The following DNMT1 variants were observed in gnomAD, a reference collection of about 807,000 sequenced individuals.
DNMT1 encodes the protein DNA methyltransferase 1, also known as DNA (cytosine-5)-methyltransferase 1.
In DNMT1, 24 loss-of-function variants were observed where a neutral mutation model predicts 205.3. That is an observed-to-expected ratio of 0.12 (90% confidence interval 0.08 to 0.16). DNMT1 has a LOEUF of 0.16. Ranked by LOEUF, DNMT1 falls within the 10% of genes least tolerant of loss-of-function variation. The pLI, the probability that DNMT1 is intolerant of heterozygous loss-of-function variation, is 1.00. For missense variants in DNMT1, 1,293 were observed against 2,177.7 expected, an observed-to-expected ratio of 0.59 and a Z score of 8.09; for synonymous variants, 817 against 839.8, an observed-to-expected ratio of 0.97 and a Z score of 0.47.
At position 10,135,844 on chromosome 19, in the gene DNMT1, C is replaced by A; in HGVS notation, c.4665G>T (p.Val1555=). ...CCACACGGTGCTGCTCTGGGTGGAG[C>A]ACGCGGCCCTGGGGGAAAGAGGCGC... ...NPEPMGKQGR[V]LHPEQHRVVS... Residue 1555 remains valine, a synonymous_variant, in exon 39 of 41, where the codon GTG becomes GTT. Coordinates refer to ENST00000359526, the MANE Select transcript of DNMT1 (RefSeq NM_001130823.3). 6.4e-7 allele frequency: 1 copy of A among 1,553,758 alleles called. No individual in the cohort carries two copies.
At chr19:10,163,439 A>G in intron 11 of DNMT1, 79 bp from the exon 12 acceptor site, 1 of 1,468,390 alleles carries the variant, frequency 6.8e-7, no homozygotes, top group Non-Finnish European at 9.5e-7. Flanking sequence ...GATAAAATGC[A>G]AACACTGAAG....
Position 10,159,577 on chromosome 19 carries a change from C to A in DNMT1, c.1280+81G>T. On this transcript the variant is annotated intron_variant, in intron 17 of 40. Transcript: ENST00000359526. This position sits in a 1 kb window ranked among gnomAD's most constrained non-coding sequence, Gnocchi z 5.0. ...TTGCAGGTCAGGCACTAAAAAACAT[C>A]ACCAGAATCGTGAGCCCGCAGGCAC... is the stretch of plus-strand genomic sequence containing the variant. 7.1e-7 allele frequency: 1 copy of A among 1,402,186 alleles called. No homozygotes were observed. Among genetic ancestry groups the A allele is most frequent in the South Asian group, 1.2e-5 (1 of 84,982 alleles). The allele number at this position is 1,402,186 out of a possible 1,614,324, so 86.9% of individuals were successfully genotyped here. A position where few individuals can be genotyped will look rare whatever the true frequency, so the allele number is the denominator to read the frequency against.
chr19:10,182,465 GTGTATATATATACATA>G (rs2039079617), intron 1 of DNMT1, among the ~76,000 whole-genome samples: 1 of 121,148 alleles, frequency 8.3e-6, no homozygotes, highest in African/African-American at 3.0e-5. Flanking sequence ...ATATATATGT[GTGTATATATATACATA>G]TATATGTGTA....
rs62621089 is a variant in DNMT1 at position 10,175,613 on chromosome 19, G to A, written c.575C>T (p.Ala192Val). ...AGACTCTTCCTGAGGTTTCCGTTTG[G>A]CAGGGCTGTCACACACAGTGAGGCC... is the stretch of plus-strand genomic sequence containing the variant. ...TITSHFAKGP[A>V]KRKPQEESER... The change falls in exon 7 of 41, where the codon GCC becomes GTC. Residue 192 changes from alanine (A) to valine (V), a missense_variant. By Grantham distance (64) the Ala-to-Val change is moderately conservative. Around this residue, in one of 13 missense-constraint regions of DNMT1, gnomAD observed 394 missense variants for 451.6 expected, o/e 0.87. Transcript: ENST00000359526. 5.6e-4 allele frequency: 903 copies of A among 1,613,884 alleles called. 6 individuals are homozygous for A. The highest frequency in any genetic ancestry group is 2.3e-3 in the South Asian group (208 of 91,082).
chr19:10,151,739 G>C lies in DNMT1; in HGVS notation c.2117+11C>G. On this transcript the variant is annotated intron_variant, in intron 23 of 40. Coordinates refer to ENST00000359526, the MANE Select transcript of DNMT1 (RefSeq NM_001130823.3). The surrounding 1 kb of genome is among the most constrained non-coding windows in gnomAD (Gnocchi z 5.0). ...TCCTCTGCCACAGGAGGAAGACTCG[G>C]CCTGACCTACCTCCGCTCTTGGCAA... 6.2e-7 allele frequency: 1 copy of C among 1,614,084 alleles called. No homozygotes were observed. The highest frequency in any genetic ancestry group is 8.5e-7 in the Non-Finnish European group (1 of 1,180,004).
chr19:10,156,400 A>ACGGG lies in DNMT1; in HGVS notation c.1389_1390insCCCG (p.Ser464ProfsTer4). ...CCGGACTATTCCTTACCTTCAAGAG[A>ACGGG]TGGGTCATCATCATAGATTGGTTTT... On this transcript the variant is annotated frameshift_variant, in exon 18 of 41. Transcript: ENST00000359526. LOFTEE classifies it high-confidence loss of function. This position sits in a 1 kb window ranked among gnomAD's most constrained non-coding sequence, Gnocchi z 4.2. 1 of 1,609,362 alleles carries ACGGG rather than the reference A, an allele frequency of 6.2e-7. No individual in the cohort carries two copies. The highest frequency in any genetic ancestry group is 8.5e-7 in the Non-Finnish European group (1 of 1,176,534).
chr19:10,174,734 AAC>A (rs1452189628), intron 7 of DNMT1, among the ~76,000 whole-genome samples: 20 of 149,042 alleles, frequency 1.3e-4, no homozygotes, highest in Non-Finnish European at 1.5e-5. Context: ...CAACAACAAC[AAC>A]AAAAAAAACA....
intron 1 of DNMT1, among the ~76,000 whole-genome samples, chr19:10,182,406 CAT>C (rs1204321584): frequency 1.4e-4 from 10 of 73,238 alleles, no homozygotes; most frequent in Middle Eastern, 0.016. Context: ...TATATATATA[CAT>C]ATATATGTGT....
intron 39 of DNMT1, 109 bp from the exon 40 acceptor site, chr19:10,134,416 C>A (rs2089436688): frequency 7.0e-6 from 7 of 1,001,668 alleles, no homozygotes; most frequent in South Asian, 5.8e-5. Flanking sequence ...GGGCATTGCA[C>A]CCCTTGGGGA....
Position 10,159,821 on chromosome 19 carries a change from T to C in DNMT1, c.1170+21A>G. 1 of 1,614,116 alleles carries C rather than the reference T, an allele frequency of 6.2e-7. No homozygotes were observed. Among genetic ancestry groups the C allele is most frequent in the Non-Finnish European group, 8.5e-7 (1 of 1,180,000 alleles). ...GGACAAGGGACAGGCAGAGGAAGGC[T>C]GGGAAGAGAGCTGTACGTACCGCGT... On this transcript the variant is annotated intron_variant, in intron 16 of 40. Coordinates refer to ENST00000359526, the MANE Select transcript of DNMT1 (RefSeq NM_001130823.3). This position sits in a 1 kb window ranked among gnomAD's most constrained non-coding sequence, Gnocchi z 5.0.
At chr19:10,177,475 G>A in intron 5 of DNMT1, 108 bp from the exon 6 acceptor site, 1 of 1,094,232 alleles carries the variant, frequency 9.1e-7, no homozygotes, top group Non-Finnish European at 1.3e-6. Context: ...AGGAAGCCAG[G>A]TTCTAAGGAC....
At position 10,154,395 on chromosome 19, in the gene DNMT1, C is replaced by G. The variant is rs2038411348; in HGVS notation, c.1917G>C (p.Leu639=). The change falls in exon 22 of 41, where the codon CTG becomes CTC. Residue 639 remains leucine (L), a synonymous_variant. Coordinates refer to ENST00000359526, the MANE Select transcript of DNMT1 (RefSeq NM_001130823.3). The surrounding 1 kb of genome is among the most constrained non-coding windows in gnomAD (Gnocchi z 6.3). ...RGPTKATTTK[L]VYQIFDTFFA... is the part of the protein sequence containing the mutation. ...AGAAAGTATCGAAGATCTGGTAGACCAGCTTGGTGGTGGTGGCTTTCGTGG... is the reference window on the plus strand; with the variant it reads ...AGAAAGTATCGAAGATCTGGTAGACGAGCTTGGTGGTGGTGGCTTTCGTGG... The G allele has an allele frequency of 6.2e-7, 1 of 1,614,106 alleles. No individual in the cohort carries two copies. The highest frequency in any genetic ancestry group is 1.1e-5 in the South Asian group (1 of 91,090).
In DNMT1 at chr19:10,142,195, G is replaced by A; in HGVS notation, c.3142C>T (p.Pro1048Ser). The change falls in exon 30 of 41, where the codon CCA becomes TCA. Residue 1048 changes from proline to serine, a missense_variant. By Grantham distance (74) the Pro-to-Ser change is moderately conservative. Transcript: ENST00000359526. ...TTGATGTCTGCGTGGTAGCTCGCTG[G>A]AGTGGACTTGTGGGTGTTCTCAGGC... ...YRPENTHKST[P>S]ASYHADINLL... 3 of 1,614,042 alleles carry A rather than the reference G, an allele frequency of 1.9e-6. No homozygotes were observed. The highest frequency in any genetic ancestry group is 8.5e-7 in the Non-Finnish European group (1 of 1,180,040).
At chr19:10,182,810 T>A (rs1568256872) in intron 1 of DNMT1, among the ~76,000 whole-genome samples, 1 of 150,498 alleles carries the variant, frequency 6.6e-6, no homozygotes, top group Non-Finnish European at 1.5e-5. Flanking sequence ...GCTGGGATTA[T>A]AGGTGCCACC....
intron 2 of DNMT1, among the ~76,000 whole-genome samples, chr19:10,181,444 A>G (rs1238107348): frequency 6.6e-6 from 1 of 151,786 alleles, no homozygotes; most frequent in Non-Finnish European, 1.5e-5. Context: ...ATGAGACCCT[A>G]TCTCAAAACA....
intron 1 of DNMT1, among the ~76,000 whole-genome samples, chr19:10,188,235 C>T (rs1039165397): frequency 2.0e-5 from 3 of 152,114 alleles, no homozygotes; most frequent in African/African-American, 2.4e-5. Context: ...AGAAGGCATC[C>T]GCAGTAGGCA....
At position 10,180,491 on chromosome 19, in the gene DNMT1, C is replaced by T; in HGVS notation, c.304G>A (p.Glu102Lys). 2 of 1,614,164 alleles carry T rather than the reference C, an allele frequency of 1.2e-6. No homozygotes were observed. The highest frequency in any genetic ancestry group is 8.5e-7 in the Non-Finnish European group (1 of 1,180,044). Residue 102 changes from glutamate to lysine, a missense_variant, in exon 4 of 41, where the codon GAA becomes AAA. By Grantham distance (56) the Glu-to-Lys change is moderately conservative. Around this residue, in one of 13 missense-constraint regions of DNMT1, gnomAD observed 394 missense variants for 451.6 expected, o/e 0.87. Coordinates refer to ENST00000359526, the MANE Select transcript of DNMT1 (RefSeq NM_001130823.3). ...LENGAHAYNR[E>K]VNGRLENGNQ... Reference sequence around the variant, plus strand: ...CCGTTTTCTAGACGTCCATTCACTTCCCGGTTGTAAGCATGAGCACCGTTC... The same window carrying T: ...CCGTTTTCTAGACGTCCATTCACTTTCCGGTTGTAAGCATGAGCACCGTTC...
chr19:10,182,185 A>G, intron 1 of DNMT1, 108 bp from the exon 2 acceptor site: 1 of 1,198,622 alleles, frequency 8.3e-7, no homozygotes, highest in Non-Finnish European at 1.2e-6. Flanking sequence ...CAAGTTTAAC[A>G]TATGAGTGTT....
chr19:10,168,897 GT>G (rs1170908002), intron 9 of DNMT1, among the ~76,000 whole-genome samples: 1 of 152,166 alleles, frequency 6.6e-6, no homozygotes, highest in East Asian at 1.9e-4. Flanking sequence ...GAGTGCAGTG[GT>G]GTACTCTTGG....
Sources: gnomAD v4.1 joint callset for allele counts (sites outside exome capture counted in the v4.1 genomes callset) on GRCh38, gnomAD v4.1.1 for gene constraint, gnomAD v4.1.1 regional missense constraint, Gnocchi (gnomAD v3.1) non-coding constraint, MANE v1.5 for transcripts, NCBI Gene and HGNC (gene_info 2026-07-23, HGNC 2026-07-21) for gene names.